NCOA2: variants seen among roughly 807,000 people sequenced by gnomAD.
The protein encoded by NCOA2 is class E basic helix-loop-helix protein 75.
Under a neutral mutation model 145.1 loss-of-function variants are expected in NCOA2, and 21 were observed. The ratio of observed to expected loss-of-function variants is 0.14; its 90% confidence interval spans 0.10 to 0.21. The LOEUF is 0.21. Among genes scored for constraint, NCOA2 ranks in the 10% least tolerant of loss-of-function variants. The probability of loss-of-function intolerance (pLI) is 1.00; values close to 1 mark genes in which losing one functional copy is unlikely to be tolerated. For missense variants in NCOA2, 1,472 were observed against 1,837.6 expected (o/e 0.80, Z 3.64); for synonymous variants, 619 against 637.5 (o/e 0.97, Z 0.44).
At chr8:70,234,901 A>G (rs1009092350) in intron 2 of NCOA2, among the ~76,000 whole-genome samples, 1 of 152,214 alleles carries the variant, frequency 6.6e-6, no homozygotes, top group African/African-American at 2.4e-5. Flanking sequence ...TAGGTTCCCA[A>G]CCATGGCTGC....
At chr8:70,162,882 T>C (rs1350361006) in intron 8 of NCOA2, 28 bp from the exon 9 acceptor site, 1 of 1,536,808 alleles carries the variant, frequency 6.5e-7, no homozygotes, top group Non-Finnish European at 8.8e-7. Flanking sequence ...GCATTATACC[T>C]ACATGTTGAT....
At chr8:70,269,473 A>C (rs1824876428) in intron 2 of NCOA2, among the ~76,000 whole-genome samples, 1 of 152,114 alleles carries the variant, frequency 6.6e-6, no homozygotes, top group Non-Finnish European at 1.5e-5. Context: ...AATTTAATTT[A>C]AATTAAAAAA....
intron 2 of NCOA2, among the ~76,000 whole-genome samples, chr8:70,275,747 T>C (rs566300095): frequency 9.2e-5 from 14 of 152,326 alleles, no homozygotes; most frequent in Admixed American, 5.9e-4. Context: ...TAGACTCTAA[T>C]TGGCAGTTCT....
chr8:70,151,931 A>G (rs1304553454), intron 11 of NCOA2, among the ~76,000 whole-genome samples: 3 of 152,188 alleles, frequency 2.0e-5, no homozygotes, highest in Non-Finnish European at 4.4e-5. Flanking sequence ...TGGAAGGAAT[A>G]AATTTGATCA....
At chr8:70,209,871 C>T (rs1295165072) in intron 4 of NCOA2, among the ~76,000 whole-genome samples, 1 of 152,126 alleles carries the variant, frequency 6.6e-6, no homozygotes, top group Non-Finnish European at 1.5e-5. Flanking sequence ...GGAACTGAAC[C>T]TGCAGTATCT....
intron 1 of NCOA2, among the ~76,000 whole-genome samples, chr8:70,384,258 C>A (rs1187513701): frequency 6.7e-6 from 1 of 148,520 alleles, no homozygotes; most frequent in Non-Finnish European, 1.5e-5. Flanking sequence ...TATTCAAACT[C>A]CAAAAAAAAA....
intron 4 of NCOA2, among the ~76,000 whole-genome samples, chr8:70,178,722 G>A (rs2132888142): frequency 6.6e-6 from 1 of 152,286 alleles, no homozygotes; most frequent in South Asian, 2.1e-4. Context: ...GGAAATGGCT[G>A]GACATAGCTG....
At chr8:70,182,263 T>C (rs1258165665) in intron 4 of NCOA2, among the ~76,000 whole-genome samples, 3 of 152,222 alleles carry the variant, frequency 2.0e-5, no homozygotes, top group East Asian at 1.9e-4. Context: ...TTTTCTGACA[T>C]TGAGCTTCTT....
chr8:70,403,228 G>A (rs991812011), intron 1 of NCOA2, among the ~76,000 whole-genome samples: 5 of 151,326 alleles, frequency 3.3e-5, no homozygotes, highest in East Asian at 3.9e-4. Context: ...GCCCCCGAGG[G>A]GTTAGAGCCT....
chr8:70,314,035 C>T (rs1044737947), intron 1 of NCOA2, among the ~76,000 whole-genome samples: 1 of 151,132 alleles, frequency 6.6e-6, no homozygotes, highest in South Asian at 2.1e-4. Flanking sequence ...AAAAAATTAG[C>T]TTGGCATGAT....
the NCOA2 span, among the ~76,000 whole-genome samples, chr8:70,427,919 T>C: frequency 1.3e-5 from 2 of 152,312 alleles, no homozygotes; most frequent in East Asian, 3.9e-4. Flanking sequence ...GTATTTTAGT[T>C]ACGTATGGAT....
chr8:70,236,716 CAATAT>C (rs985458644), intron 2 of NCOA2, among the ~76,000 whole-genome samples: 39 of 152,046 alleles, frequency 2.6e-4, no homozygotes, highest in Admixed American at 1.7e-3. Context: ...AAAAGCAGTA[CAATAT>C]AACAACTATG....
chr8:70,159,242 A>ATATATATT lies in NCOA2; in HGVS notation c.1124+262_1124+263insAATATATA. ...TAACATTATATATATATATATATAT[A>ATATATATT]TTTTTTTTTTTTTCCCCCAAATATT... On this transcript the variant is annotated intron_variant, in intron 10 of 22. Transcript: ENST00000452400. 4.6e-3 allele frequency among the ~76,000 whole-genome samples: 282 copies of ATATATATT among 61,070 alleles called. 4 individuals carry two copies. Among genetic ancestry groups the ATATATATT allele is most frequent in the Middle Eastern group, 8.3e-3 (1 of 120 alleles). The allele number at this position is 61,070 out of a possible 152,430, so 40.1% of individuals were successfully genotyped here.
chr8:70,133,554 G>A (rs1585772739), intron 15 of NCOA2, among the ~76,000 whole-genome samples: 1 of 152,120 alleles, frequency 6.6e-6, no homozygotes, highest in East Asian at 1.9e-4. Context: ...GAGCTTCTGA[G>A]TTGCCTGAAT....
chr8:70,195,740 G>A (rs1211915375), intron 4 of NCOA2, among the ~76,000 whole-genome samples: 3 of 152,006 alleles, frequency 2.0e-5, no homozygotes, highest in Admixed American at 1.3e-4. Flanking sequence ...GATGATCCCC[G>A]GTGGCTACAG....
chr8:70,265,077 G>A (rs905498803), intron 2 of NCOA2, among the ~76,000 whole-genome samples: 5 of 152,116 alleles, frequency 3.3e-5, no homozygotes, highest in Non-Finnish European at 4.4e-5. Flanking sequence ...TGGACTCAAC[G>A]TCTATGGGGC....
At chr8:70,279,232 G>T (rs894490197) in intron 2 of NCOA2, among the ~76,000 whole-genome samples, 1 of 152,010 alleles carries the variant, frequency 6.6e-6, no homozygotes, top group Non-Finnish European at 1.5e-5. Context: ...GGAATTACCC[G>T]CAGTAGGTGC....
intron 16 of NCOA2, among the ~76,000 whole-genome samples, chr8:70,131,294 A>G (rs1341046205): frequency 6.6e-6 from 1 of 152,190 alleles, no homozygotes; most frequent in Non-Finnish European, 1.5e-5. Flanking sequence ...CCTGGGCTAA[A>G]CCATAAGTGA....
chr8:70,238,156 G>A (rs894499886), intron 2 of NCOA2, among the ~76,000 whole-genome samples: 5 of 151,984 alleles, frequency 3.3e-5, no homozygotes, highest in Non-Finnish European at 5.9e-5. Flanking sequence ...GCACACGCGC[G>A]CGCGCGCGTG....
Sources: allele counts gnomAD v4.1 joint callset (sites outside exome capture counted in the v4.1 genomes callset), GRCh38; gene constraint gnomAD v4.1.1; transcripts MANE v1.5; gene names NCBI Gene and HGNC (gene_info 2026-07-23, HGNC 2026-07-21).